Variants in COPS7A observed in about 807,000 individuals in gnomAD.
The protein encoded by COPS7A is COP9 signalosome complex subunit 7a.
Under a neutral mutation model 35.2 loss-of-function variants are expected in COPS7A, and 20 were observed. The ratio of observed to expected loss-of-function variants is 0.57; its 90% CI spans 0.40 to 0.83. The LOEUF (loss-of-function observed/expected upper bound fraction) is 0.83. COPS7A is among the 40% of genes least tolerant of loss of function. COPS7A has a pLI of 0.00. For missense variants in COPS7A, 247 were observed against 347.5 expected, an observed-to-expected ratio of 0.71 and a Z score of 2.30; for synonymous variants, 139 against 141.4, an observed-to-expected ratio of 0.98 and a Z score of 0.12.
chr12:6,728,135 G>T, intron 3 of COPS7A, 88 bp from the exon 4 acceptor site: 1 of 1,456,890 alleles, frequency 6.9e-7, no homozygotes, highest in South Asian at 1.2e-5. Flanking sequence ...ACCTGAATTG[G>T]CATTGAAAGT....
At chr12:6,724,919 T>C (rs971042074) in intron 2 of COPS7A, 101 bp downstream of exon 2, 9 of 1,279,216 alleles carry the variant, frequency 7.0e-6, no homozygotes, top group Non-Finnish European at 8.8e-6. Context: ...AACCATTCAG[T>C]TGAACAAGAA....
chr12:6,724,512 G>T, intron 1 of COPS7A, 102 bp from the exon 2 acceptor site: 1 of 962,534 alleles, frequency 1.0e-6, no homozygotes, highest in Non-Finnish European at 1.6e-6. Flanking sequence ...ATTCCTCACC[G>T]CAGAACCGAC....
Position 6,731,076 on chromosome 12 carries a change from C to T in COPS7A, c.*37C>T, listed in dbSNP as rs565589930. On this transcript the variant is annotated 3_prime_UTR_variant, in exon 8 of 8. Coordinates refer to ENST00000543155, the MANE Select transcript of COPS7A (RefSeq NM_001164094.2). Reference sequence around the variant, plus strand: ...TTTCCTCCCTGGGGATGTGGGGTCCCAGCTGCCTGCCTGCCTCTTAGGAGT... The same window carrying T: ...TTTCCTCCCTGGGGATGTGGGGTCCTAGCTGCCTGCCTGCCTCTTAGGAGT... 32 of 1,613,992 alleles carry T rather than the reference C, an allele frequency of 2.0e-5. No individual in the cohort carries two copies. The East Asian group carries it at 5.3e-4, about 27-fold the overall frequency.
At chr12:6,730,072 G>T (rs905978014) in intron 5 of COPS7A, among the ~76,000 whole-genome samples, 3 of 152,150 alleles carry the variant, frequency 2.0e-5, no homozygotes, top group Non-Finnish European at 4.4e-5. Flanking sequence ...TTGGAGTGCA[G>T]TGGCACCATC....
At chr12:6,727,541 C>A (rs544942478) in intron 2 of COPS7A, 3 of 400,566 alleles carry the variant, frequency 7.5e-6, no homozygotes, top group Non-Finnish European at 1.5e-5. Flanking sequence ...TTGGGGAGTA[C>A]TGGAGACTGT....
intron 4 of COPS7A, 94 bp downstream of exon 4, chr12:6,728,405 G>T (rs947583379): frequency 1.4e-5 from 14 of 993,650 alleles, no homozygotes; most frequent in Non-Finnish European, 2.1e-5. Flanking sequence ...GACCGTGGCT[G>T]CTTCCTGCCC....
rs527687592 is a variant in COPS7A at position 6,725,179 on chromosome 12, C to T, written c.162+361C>T. On this transcript the variant is annotated intron_variant, in intron 2 of 7. Coordinates refer to ENST00000543155, the MANE Select transcript of COPS7A (RefSeq NM_001164094.2). ...TCTCTTTTTTTTTTTTTTTTTGAGA[C>T]GGAGTCTTGCTCTGTCACCCAGGCT... 3.5e-5 allele frequency among the ~76,000 whole-genome samples: 5 copies of T among 142,008 alleles called. No individual in the cohort carries two copies. The South Asian group carries it at 6.6e-4, about 19-fold the overall frequency. 93.2% of individuals were successfully genotyped at this position (142,008 alleles called of 152,430 possible).
chr12:6,727,906 C>G lies in COPS7A; in HGVS notation c.163-20C>G. ...GAGAGGGAAGACTTCCCGTCACCTC[C>G]TTTTTCCTCATTCTCGCAGCTGGCT... is the stretch of plus-strand genomic sequence containing the variant. On this transcript the variant is annotated intron_variant, in intron 2 of 7. Coordinates refer to ENST00000543155, the MANE Select transcript of COPS7A (RefSeq NM_001164094.2). The G allele has an allele frequency of 1.2e-6, 2 of 1,613,838 alleles. No homozygotes were observed. The highest frequency in any genetic ancestry group is 2.2e-5 in the South Asian group (2 of 91,074).
At position 6,731,308 on chromosome 12, in the gene COPS7A, C is replaced by T. The variant is rs115365024; in HGVS notation, c.*269C>T. ...TCTCTCCCTTGTTTCCTTAAGAGCT[C>T]AGCATCTGTCCCTGTTCATTACATG... On this transcript the variant is annotated 3_prime_UTR_variant, in exon 8 of 8. Coordinates refer to ENST00000543155, the MANE Select transcript of COPS7A (RefSeq NM_001164094.2). 2.5e-3 allele frequency: 3,600 copies of T among 1,429,356 alleles called. 66 individuals are homozygous for T. In the African/African-American group the frequency reaches 0.042, roughly 17 times the overall value. 88.5% of individuals were successfully genotyped at this position (1,429,356 alleles called of 1,614,324 possible). A position where few individuals can be genotyped will look rare whatever the true frequency, so the allele number is the denominator to read the frequency against.
rs746685860 is a variant in COPS7A, at chr12:6,724,602, C to CT, written c.-43-9dup. ...TCGGGGACCTCTAGCTTCACATCCT[C>CT]TTTCCTTGCAGCTCTGGACATCCTG... On this transcript the variant is annotated splice_polypyrimidine_tract_variant and intron_variant, in intron 1 of 7. Transcript: ENST00000543155. 10 of 1,610,994 alleles carry CT rather than the reference C, an allele frequency of 6.2e-6. No homozygotes were observed. The South Asian group carries it at 1.1e-4, about 18-fold the overall frequency.
At chr12:6,730,528 G>A (rs1349029128) in intron 6 of COPS7A, 21 bp downstream of exon 6, 2 of 1,613,358 alleles carry the variant, frequency 1.2e-6, no homozygotes, top group Admixed American at 1.7e-5. Context: ...AGGGGAGCAG[G>A]CAGACCCAAA....
At chr12:6,725,633 G>A (rs745584232) in intron 2 of COPS7A, 3 of 455,916 alleles carry the variant, frequency 6.6e-6, no homozygotes, top group Non-Finnish European at 1.3e-5. Context: ...AAGGGAGAAC[G>A]TGTCTTTTTC....
At chr12:6,725,614 A>C (rs1941233421) in intron 2 of COPS7A, 1 of 455,902 alleles carries the variant, frequency 2.2e-6, no homozygotes, top group Non-Finnish European at 4.4e-6. Flanking sequence ...TAATCTATTC[A>C]AGTTAGCTAA....
At chr12:6,730,284 A>C (rs1436450545) in intron 5 of COPS7A, 118 bp from the exon 6 acceptor site, 17 of 888,416 alleles carry the variant, frequency 1.9e-5, no homozygotes, top group Admixed American at 2.0e-5. Flanking sequence ...CCCAAAATGC[A>C]GGGATTATGG....
At chr12:6,727,722 T>C (rs774105232) in intron 2 of COPS7A, 23 of 681,940 alleles carry the variant, frequency 3.4e-5, no homozygotes, top group Non-Finnish European at 3.0e-5. Context: ...TTTGGGAGAA[T>C]AGTGTAAACA....
In COPS7A at chr12:6,729,592, C is replaced by A; in HGVS notation, c.530+143C>A. ...GGAAATGAGTTCATCCCTCCAAAGGCTTCTGGGGAATGCAGGAGTAGGGGA... is the reference window on the plus strand; with the variant it reads ...GGAAATGAGTTCATCCCTCCAAAGGATTCTGGGGAATGCAGGAGTAGGGGA... On this transcript the variant is annotated intron_variant, in intron 5 of 7. Transcript: ENST00000543155. This position sits in a 1 kb window ranked among gnomAD's most constrained non-coding sequence, Gnocchi z 4.2. The A allele has an allele frequency of 1.1e-6, 1 of 876,494 alleles. No homozygotes were observed. The highest frequency in any genetic ancestry group is 1.7e-6 in the Non-Finnish European group (1 of 580,754). The allele number at this position is 876,494 out of a possible 1,614,324, so 54.3% of individuals were successfully genotyped here.
chr12:6,725,356 A>C (rs192218166), intron 2 of COPS7A, among the ~76,000 whole-genome samples: 247 of 151,934 alleles, frequency 1.6e-3, no homozygotes, highest in Non-Finnish European at 3.1e-3. Context: ...ATGGGATTTC[A>C]CTGTGTTAGC....
chr12:6,729,577 T>G lies in COPS7A; in HGVS notation c.530+128T>G. 1 of 993,790 alleles carries G rather than the reference T, an allele frequency of 1.0e-6. No homozygotes were observed. Among genetic ancestry groups the G allele is most frequent in the African/African-American group, 1.6e-5 (1 of 61,858 alleles). The allele number at this position is 993,790 out of a possible 1,614,324, so 61.6% of individuals were successfully genotyped here. On this transcript the variant is annotated intron_variant, in intron 5 of 7. Transcript: ENST00000543155. This position sits in a 1 kb window ranked among gnomAD's most constrained non-coding sequence, Gnocchi z 4.2. Reference sequence around the variant, plus strand: ...CCCAAGAGGATGAAGGGAAATGAGTTCATCCCTCCAAAGGCTTCTGGGGAA... The same window carrying G: ...CCCAAGAGGATGAAGGGAAATGAGTGCATCCCTCCAAAGGCTTCTGGGGAA...
intron 2 of COPS7A, among the ~76,000 whole-genome samples, chr12:6,725,360 T>G (rs184414256): frequency 1.6e-3 from 247 of 152,240 alleles, no homozygotes; most frequent in Non-Finnish European, 3.1e-3. Context: ...GATTTCACTG[T>G]GTTAGCCAGG....
Sources: gnomAD v4.1 joint callset for allele counts (sites outside exome capture counted in the v4.1 genomes callset) on GRCh38, gnomAD v4.1.1 for gene constraint, Gnocchi (gnomAD v3.1) non-coding constraint, MANE v1.5 for transcripts, NCBI Gene and HGNC (gene_info 2026-07-23, HGNC 2026-07-21) for gene names.